The following CCDC92 variants were observed in gnomAD, a reference collection of about 807,000 sequenced individuals.
The protein encoded by CCDC92 is coiled-coil domain containing 92.
A neutral mutation model predicts 24.9 loss-of-function variants in CCDC92; 12 were observed. The observed-to-expected ratio is 0.48, with a 90% CI of 0.31 to 0.78. The LOEUF (loss-of-function observed/expected upper bound fraction) is 0.78. Among genes scored for constraint, CCDC92 ranks in the 30% least tolerant of loss-of-function variants. The pLI, the probability that CCDC92 is intolerant of heterozygous loss-of-function variation, is 0.05. For synonymous variants in CCDC92, 193 were observed against 196.3 expected (o/e 0.98, Z 0.14); for missense variants, 399 against 439.4 (o/e 0.91, Z 0.82).
intron 1 of CCDC92, among the ~76,000 whole-genome samples, chr12:123,954,441 C>G (rs571629894): frequency 6.6e-6 from 1 of 152,282 alleles, no homozygotes; most frequent in East Asian, 1.9e-4. Context: ...ACATTAAAGT[C>G]GTAATGGATG....
chr12:123,954,988 T>C (rs555229486), intron 1 of CCDC92, among the ~76,000 whole-genome samples: 1 of 152,160 alleles, frequency 6.6e-6, no homozygotes, highest in East Asian at 1.9e-4. Context: ...GGGGAGGAGG[T>C]GACCGATGGG....
chr12:123,937,866 C>T lies in CCDC92; in HGVS notation c.224-36G>A. On this transcript the variant is annotated intron_variant, in intron 4 of 4. Coordinates refer to ENST00000238156, the MANE Select transcript of CCDC92 (RefSeq NM_025140.3). This position sits in a 1 kb window ranked among gnomAD's most constrained non-coding sequence, Gnocchi z 8.4. ...AAGCCGAGGAAGCAGGTGAAGAACT[C>T]ATTAGACTGAGGCCGAGTGGTGAGG... 6.4e-7 allele frequency: 1 copy of T among 1,566,928 alleles called. No individual in the cohort carries two copies. The highest frequency in any genetic ancestry group is 1.2e-5 in the South Asian group (1 of 83,640).
intron 1 of CCDC92, among the ~76,000 whole-genome samples, chr12:123,948,628 C>T (rs1204870839): frequency 6.6e-6 from 1 of 152,194 alleles, no homozygotes; most frequent in Non-Finnish European, 1.5e-5. Context: ...TGTCGCTCTC[C>T]CCTTCTTCCA....
At position 123,937,795 on chromosome 12, in the gene CCDC92, TTTTC is replaced by T. The variant is rs761013340; in HGVS notation, c.255_258del (p.Lys86AspfsTer9). 6.2e-7 allele frequency: 1 copy of T among 1,612,016 alleles called. No homozygotes were observed. On this transcript the variant is annotated frameshift_variant, in exon 5 of 5. Coordinates refer to ENST00000238156, the MANE Select transcript of CCDC92 (RefSeq NM_025140.3). LOFTEE classifies it high-confidence loss of function. This position sits in a 1 kb window ranked among gnomAD's most constrained non-coding sequence, Gnocchi z 8.4. The stretch of plus-strand genomic sequence containing the variant: ...AGTTGGGCTTCCAGCTCTTCACATC[TTTTC>T]TTTAATTCACTGCTTTTAGAAGTCC...
intron 1 of CCDC92, chr12:123,971,778 G>A (rs1328570279): frequency 6.6e-6 from 1 of 152,308 alleles, no homozygotes; most frequent in Non-Finnish European, 1.5e-5. Context: ...CAAGCCTGGA[G>A]CTCTGCTGCG....
At chr12:123,969,277 C>G (rs962532484) in intron 1 of CCDC92, among the ~76,000 whole-genome samples, 1 of 152,080 alleles carries the variant, frequency 6.6e-6, no homozygotes, top group African/African-American at 2.4e-5. Flanking sequence ...TTTGTTTTAC[C>G]TTCAGCTGCC....
In CCDC92 at chr12:123,957,493, T is replaced by G. The variant is rs139048293; in HGVS notation, c.-59-13129A>C. Among the ~76,000 whole-genome samples, 389 of 152,324 alleles carry G rather than the reference T, an allele frequency of 2.6e-3. 1 individual carries two copies. The highest frequency in any genetic ancestry group is 8.4e-3 in the African/African-American group (350 of 41,568). ...CTTCTCAAGGGTGTGATCACTGCAC[T>G]GTAAAGGGTGGTAACAGCAATCATG... On this transcript the variant is annotated intron_variant, in intron 1 of 4. Transcript: ENST00000238156.
At chr12:123,945,644 G>A (rs923142039) in intron 1 of CCDC92, 8 of 152,180 alleles carry the variant, frequency 5.3e-5, no homozygotes, top group African/African-American at 1.7e-4. Flanking sequence ...CGGTGCCTAC[G>A]TTTTCCTTCC....
intron 1 of CCDC92, chr12:123,971,596 ACTG>A (rs1956538799): frequency 6.6e-6 from 1 of 152,274 alleles, no homozygotes. Flanking sequence ...AAAACCGACT[ACTG>A]CAACCTAAGC....
intron 1 of CCDC92, among the ~76,000 whole-genome samples, chr12:123,949,160 C>A (rs2138013232): frequency 6.6e-6 from 1 of 152,308 alleles, no homozygotes; most frequent in African/African-American, 2.4e-5. Context: ...AATAACGCCG[C>A]CTGCTGAGTA....
intron 1 of CCDC92, among the ~76,000 whole-genome samples, chr12:123,957,694 T>C (rs1566170326): frequency 7.2e-6 from 1 of 139,140 alleles, no homozygotes; most frequent in African/African-American, 2.7e-5. Flanking sequence ...TCTTTTTTTT[T>C]CCTTCTTTTT....
At chr12:123,969,714 G>C (rs555195612) in intron 1 of CCDC92, among the ~76,000 whole-genome samples, 1 of 151,822 alleles carries the variant, frequency 6.6e-6, no homozygotes, top group Non-Finnish European at 1.5e-5. Flanking sequence ...TGCCCGCCTC[G>C]GCCTCAGGAG....
At chr12:123,968,608 A>T (rs1295103507) in intron 1 of CCDC92, 1 of 152,180 alleles carries the variant, frequency 6.6e-6, no homozygotes, top group African/African-American at 2.4e-5. Context: ...TCCTTGTTCA[A>T]AGTTTGAGGA....
chr12:123,946,722 G>GA (rs1354192055), intron 1 of CCDC92: 1 of 152,454 alleles, frequency 6.6e-6, no homozygotes, highest in East Asian at 1.9e-4. Flanking sequence ...CTTCAGGGTT[G>GA]AAAAGCTTTT....
intron 1 of CCDC92, among the ~76,000 whole-genome samples, chr12:123,953,074 G>A (rs974209426): frequency 5.3e-5 from 8 of 152,152 alleles, no homozygotes; most frequent in East Asian, 1.9e-4. Flanking sequence ...TTTGCAGTGT[G>A]TCTGGCTTAT....
chr12:123,955,845 G>A (rs1956137722), intron 1 of CCDC92, among the ~76,000 whole-genome samples: 1 of 152,152 alleles, frequency 6.6e-6, no homozygotes, highest in Non-Finnish European at 1.5e-5. Flanking sequence ...AAGAGTCCAT[G>A]GTTTCATTAC....
At chr12:123,968,475 A>G (rs1956444274) in intron 1 of CCDC92, 1 of 152,218 alleles carries the variant, frequency 6.6e-6, no homozygotes, top group South Asian at 2.1e-4. Context: ...ATATTTAAGT[A>G]GTATCTGTGA....
At chr12:123,969,648 G>C (rs1206753100) in intron 1 of CCDC92, among the ~76,000 whole-genome samples, 2 of 151,802 alleles carry the variant, frequency 1.3e-5, no homozygotes, top group African/African-American at 2.4e-5. Context: ...ATTTTTAGTA[G>C]AGATGGGGTT....
At chr12:123,968,288 T>C (rs1956439908) in intron 1 of CCDC92, 1 of 152,072 alleles carries the variant, frequency 6.6e-6, no homozygotes, top group African/African-American at 2.4e-5. Flanking sequence ...TTGATCTCGG[T>C]CGGCTCTCCA....
Sources: allele counts gnomAD v4.1 joint callset (sites outside exome capture counted in the v4.1 genomes callset), GRCh38; gene constraint gnomAD v4.1.1; non-coding constraint Gnocchi (gnomAD v3.1); transcripts MANE v1.5; gene names NCBI Gene and HGNC (gene_info 2026-07-23, HGNC 2026-07-21).